TNRC6C: variants seen among roughly 807,000 people sequenced by gnomAD.
TNRC6C encodes the protein trinucleotide repeat-containing gene 6C protein.
TNRC6C carries 20 observed loss-of-function variants against 153.7 expected under a neutral mutation model. The observed-to-expected ratio is 0.13, with a 90% CI of 0.09 to 0.19. The LOEUF is 0.19. Among genes scored for constraint, TNRC6C ranks in the 10% least tolerant of loss-of-function variants. The pLI is 1.00. For synonymous variants in TNRC6C, 811 were observed against 841.4 expected (o/e 0.96, Z 0.63); for missense variants, 1,987 against 2,172.0 (o/e 0.91, Z 1.69).
intron 1 of TNRC6C, among the ~76,000 whole-genome samples, chr17:77,982,026 C>T (rs900968546): frequency 1.3e-5 from 2 of 152,158 alleles, no homozygotes; most frequent in Non-Finnish European, 2.9e-5. Context: ...GTGGAACCCT[C>T]ACAAATGGGA....
intron 1 of TNRC6C, among the ~76,000 whole-genome samples, chr17:78,020,494 T>C (rs759459196): frequency 3.3e-5 from 5 of 152,246 alleles, no homozygotes; most frequent in African/African-American, 9.6e-5. Flanking sequence ...TCAGTCTTTA[T>C]GAAAACAGGT....
chr17:78,016,448 G>C (rs997852551), intron 1 of TNRC6C, among the ~76,000 whole-genome samples: 7 of 152,258 alleles, frequency 4.6e-5, no homozygotes, highest in Admixed American at 4.6e-4. Context: ...TGTGCCTGTG[G>C]TGGTGGGTGG....
intron 17 of TNRC6C, among the ~76,000 whole-genome samples, chr17:78,101,246 G>A (rs113620654): frequency 7.5e-4 from 114 of 152,238 alleles, no homozygotes; most frequent in Middle Eastern, 6.8e-3. Flanking sequence ...GCAAAATGCC[G>A]CCAGTCTCTT....
rs1187731070 is a variant in TNRC6C at position 78,103,529 on chromosome 17, C to T, written c.4688C>T (p.Ala1563Val). 3 of 1,613,856 alleles carry T rather than the reference C, an allele frequency of 1.9e-6. No individual in the cohort carries two copies. Among genetic ancestry groups the T allele is most frequent in the African/African-American group, 1.3e-5 (1 of 74,920 alleles). The stretch of plus-strand genomic sequence containing the variant: ...CGGTACAGCTCCAAGGAGGAGGCTG[C>T]CAAGGCCCAGAAGTCTCTGCACATG... Residue 1563 changes from alanine (A) to valine (V), a missense_variant, in exon 19 of 20, where the codon GCC becomes GTC. Ala to Val is a moderately conservative substitution (Grantham distance 64). Around this residue, in one of 4 missense-constraint regions of TNRC6C, gnomAD observed 31 missense variants for 97.9 expected, o/e 0.32. Transcript: ENST00000301624.
chr17:77,983,187 G>A (rs2071106318), intron 1 of TNRC6C, among the ~76,000 whole-genome samples: 1 of 152,134 alleles, frequency 6.6e-6, no homozygotes. Context: ...CCCACCCCTA[G>A]AATTTCTGCT....
chr17:77,960,982 T>C (rs1003415915), intron 1 of TNRC6C, among the ~76,000 whole-genome samples: 3 of 152,286 alleles, frequency 2.0e-5, no homozygotes, highest in South Asian at 2.1e-4. Context: ...AGATTTCTCA[T>C]GACCTGACCA....
At chr17:78,006,546 CTTCTTCTTCTTCT>C (rs2071510244) in intron 1 of TNRC6C, among the ~76,000 whole-genome samples, 4 of 114,716 alleles carry the variant, frequency 3.5e-5, no homozygotes, top group Admixed American at 3.3e-4. Flanking sequence ...TCTTCTTCTT[CTTCTTCTTCTTCT>C]TCCTTCTTCC....
rs541941870 is a variant in TNRC6C at position 78,032,871 on chromosome 17, T to G, written c.-219+1029T>G. ...AACTTTACCAAGTCTCTTCAAATAG[T>G]CTTGGCTTTCGTCTGCTAACCACTT... On this transcript the variant is annotated intron_variant, in intron 2 of 19. Coordinates refer to ENST00000301624, the Ensembl canonical transcript of TNRC6C. Among the ~76,000 whole-genome samples, 203 of 152,232 alleles carry G rather than the reference T, an allele frequency of 1.3e-3. 5 individuals are homozygous for G. Among genetic ancestry groups the G allele is most frequent in the Non-Finnish European group, 1.0e-3 (70 of 68,036 alleles).
At chr17:78,018,982 C>G (rs762042011) in intron 1 of TNRC6C, among the ~76,000 whole-genome samples, 17 of 152,012 alleles carry the variant, frequency 1.1e-4, no homozygotes, top group Non-Finnish European at 1.5e-4. Context: ...TAGTAGGTAA[C>G]AGAGCTCATT....
Position 78,049,811 on chromosome 17 carries a change from G to A in TNRC6C, c.749G>A (p.Gly250Glu), listed in dbSNP as rs779422604. The A allele has an allele frequency of 6.2e-7, 1 of 1,609,302 alleles. No individual in the cohort carries two copies. The highest frequency in any genetic ancestry group is 8.5e-7 in the Non-Finnish European group (1 of 1,176,980). ...GAAGGAATAAGCAATTCTGTGTGGG[G>A]ACTGTCCCCAGGTAACCCTGCCACA... The change falls in exon 3 of 20, where the codon GGA becomes GAA. Residue 250 changes from glycine to glutamate, a missense_variant. Transcript: ENST00000301624. The surrounding 1 kb of genome is among the most constrained non-coding windows in gnomAD (Gnocchi z 4.1).
intron 13 of TNRC6C, among the ~76,000 whole-genome samples, chr17:78,090,566 C>T (rs538148247): frequency 4.6e-5 from 7 of 152,192 alleles, no homozygotes; most frequent in Non-Finnish European, 8.8e-5. Context: ...TCCAAACAAG[C>T]AGTCTGTCCT....
At chr17:78,056,591 GTAGC>G (rs746072584) in intron 3 of TNRC6C, among the ~76,000 whole-genome samples, 12 of 151,796 alleles carry the variant, frequency 7.9e-5, no homozygotes, top group Non-Finnish European at 1.5e-4. Flanking sequence ...AGCCTCCCGA[GTAGC>G]TAGGACTACA....
intron 14 of TNRC6C, among the ~76,000 whole-genome samples, chr17:78,091,959 C>A (rs1286685093): frequency 6.6e-6 from 1 of 152,086 alleles, no homozygotes; most frequent in Non-Finnish European, 1.5e-5. Context: ...AATAGAAAAT[C>A]AAATATACAG....
chr17:78,071,761 G>A (rs920844123), intron 6 of TNRC6C, among the ~76,000 whole-genome samples: 5 of 152,152 alleles, frequency 3.3e-5, no homozygotes, highest in African/African-American at 9.7e-5. Flanking sequence ...ATAATTAAAC[G>A]TGAATTTCAT....
At chr17:78,019,458 C>T (rs2071792259) in intron 1 of TNRC6C, among the ~76,000 whole-genome samples, 1 of 152,188 alleles carries the variant, frequency 6.6e-6, no homozygotes, top group South Asian at 2.1e-4. Flanking sequence ...GTTATGACAA[C>T]ACTACCTGAA....
chr17:78,020,838 C>T (rs978859877), intron 1 of TNRC6C, among the ~76,000 whole-genome samples: 2 of 152,162 alleles, frequency 1.3e-5, no homozygotes, highest in Non-Finnish European at 1.5e-5. Context: ...CCTCAAGGCT[C>T]AATAGCCACA....
At chr17:78,051,750 G>GA (rs2072541845) in intron 3 of TNRC6C, among the ~76,000 whole-genome samples, 1 of 152,154 alleles carries the variant, frequency 6.6e-6, no homozygotes, top group South Asian at 2.1e-4. Flanking sequence ...TGAAAGCAAT[G>GA]ACAGTGCATG....
chr17:78,017,870 A>T (rs1260402018), intron 1 of TNRC6C, among the ~76,000 whole-genome samples: 1 of 152,202 alleles, frequency 6.6e-6, no homozygotes, highest in African/African-American at 2.4e-5. Context: ...GCACACATAC[A>T]CACAGACATA....
chr17:78,080,700 C>T (rs1174245930), intron 10 of TNRC6C, among the ~76,000 whole-genome samples: 1 of 152,044 alleles, frequency 6.6e-6, no homozygotes, highest in Non-Finnish European at 1.5e-5. Flanking sequence ...CTAGTTGATA[C>T]GTAATTCTGG....
Sources: gnomAD v4.1 joint callset for allele counts (sites outside exome capture counted in the v4.1 genomes callset) on GRCh38, gnomAD v4.1.1 for gene constraint, gnomAD v4.1.1 regional missense constraint, Gnocchi (gnomAD v3.1) non-coding constraint, MANE v1.5 for transcripts, NCBI Gene and HGNC (gene_info 2026-07-23, HGNC 2026-07-21) for gene names.